Variants in COL4A1 observed in about 807,000 individuals in gnomAD.
The protein encoded by COL4A1 is collagen alpha-1(IV) chain.
A neutral mutation model predicts 216.6 loss-of-function variants in COL4A1; 40 were observed. The ratio of observed to expected loss-of-function variants is 0.18; its 90% CI spans 0.14 to 0.24. COL4A1 has a LOEUF of 0.24. Among genes scored for constraint, COL4A1 ranks in the 10% least tolerant of loss-of-function variants. The probability of loss-of-function intolerance (pLI) is 1.00; values close to 1 mark genes in which losing one functional copy is unlikely to be tolerated. For missense variants in COL4A1, 1,628 were observed against 2,196.8 expected (o/e 0.74, Z 5.18); for synonymous variants, 839 against 810.7 (o/e 1.03, Z -0.59).
At chr13:110,278,069 G>T (rs1038448446) in intron 1 of COL4A1, among the ~76,000 whole-genome samples, 1 of 152,070 alleles carries the variant, frequency 6.6e-6, no homozygotes, top group Admixed American at 6.6e-5. Flanking sequence ...AAGTACATAC[G>T]TTAACGTATT....
chr13:110,201,343 C>CGGAGGGGG, intron 19 of COL4A1, 95 bp downstream of exon 19: 1 of 685,376 alleles, frequency 1.5e-6, no homozygotes, highest in Non-Finnish European at 2.3e-6. Flanking sequence ...GGAGGAGGAA[C>CGGAGGGGG]AGGAGGAGGA....
chr13:110,173,154 G>A (rs558094470), intron 40 of COL4A1, among the ~76,000 whole-genome samples: 2 of 152,268 alleles, frequency 1.3e-5, no homozygotes, highest in South Asian at 4.2e-4. Context: ...CAGATGCTGG[G>A]GAGATGACAA....
intron 19 of COL4A1, 122 bp from the exon 20 acceptor site, chr13:110,201,011 T>G (rs546921664): frequency 9.1e-7 from 1 of 1,100,848 alleles, no homozygotes; most frequent in Admixed American, 1.9e-5. Context: ...AAAGGGAACG[T>G]AGAAAACAGA....
chr13:110,211,570 G>T lies in COL4A1; in HGVS notation c.468+77C>A. 1 of 1,415,100 alleles carries T rather than the reference G, an allele frequency of 7.1e-7. No individual in the cohort carries two copies. The highest frequency in any genetic ancestry group is 9.8e-7 in the Non-Finnish European group (1 of 1,020,672). The allele number at this position is 1,415,100 out of a possible 1,614,324, so 87.7% of individuals were successfully genotyped here. A position where few individuals can be genotyped will look rare whatever the true frequency, so the allele number is the denominator to read the frequency against. ...TCGATCAGCCAAAGTGGTTTAAAGA[G>T]AATGTGCTTCTATGGCACTTGTTGT... On this transcript the variant is annotated intron_variant, in intron 8 of 51. Coordinates refer to ENST00000375820, the MANE Select transcript of COL4A1 (RefSeq NM_001845.6). This position sits in a 1 kb window ranked among gnomAD's most constrained non-coding sequence, Gnocchi z 4.3.
chr13:110,264,109 C>G (rs986776741), intron 1 of COL4A1, among the ~76,000 whole-genome samples: 1 of 152,176 alleles, frequency 6.6e-6, no homozygotes, highest in Non-Finnish European at 1.5e-5. Flanking sequence ...ACTGCGTCCC[C>G]AACCCCTCCC....
chr13:110,183,989 T>C (rs1205466015), intron 26 of COL4A1, among the ~76,000 whole-genome samples: 1 of 152,168 alleles, frequency 6.6e-6, no homozygotes, highest in Non-Finnish European at 1.5e-5. Context: ...GGGGCCTCCC[T>C]AGAACAGCCA....
At chr13:110,183,351 G>A in intron 26 of COL4A1, 75 bp from the exon 27 acceptor site, 1 of 1,417,992 alleles carries the variant, frequency 7.1e-7, no homozygotes. Flanking sequence ...ACACGCAGTG[G>A]GTGGGCTGCA....
At chr13:110,223,590 A>G (rs530996569) in intron 2 of COL4A1, among the ~76,000 whole-genome samples, 4 of 152,360 alleles carry the variant, frequency 2.6e-5, no homozygotes, top group Admixed American at 2.6e-4. Flanking sequence ...GTGTTCTGCT[A>G]CAGGCTTGGA....
Position 110,253,180 on chromosome 13 carries a change from C to CGTATTATATATACATATAACTATATGTAT in COL4A1, c.85-10447_85-10446insATACATATAGTTATATGTATATATAATAC, listed in dbSNP as rs1566417498. On this transcript the variant is annotated intron_variant, in intron 1 of 51. Coordinates refer to ENST00000375820, the MANE Select transcript of COL4A1 (RefSeq NM_001845.6). ...TTATATATACATATAACTATATGTACGTATGTATTATATATACATATAACT... is the reference window on the plus strand; with the variant it reads ...TTATATATACATATAACTATATGTACGTATTATATATACATATAACTATATGTATGTATGTATTATATATACATATAACT... Among the ~76,000 whole-genome samples, 170 of 91,158 alleles carry CGTATTATATATACATATAACTATATGTAT rather than the reference C, an allele frequency of 1.9e-3. 26 individuals carry two copies. The highest frequency in any genetic ancestry group is 7.7e-3 in the African/African-American group (163 of 21,182). The allele number at this position is 91,158 out of a possible 152,430, so 59.8% of individuals were successfully genotyped here.
intron 2 of COL4A1, among the ~76,000 whole-genome samples, chr13:110,242,390 T>C (rs1217390405): frequency 1.3e-5 from 2 of 152,210 alleles, no homozygotes; most frequent in Non-Finnish European, 2.9e-5. Context: ...GTACGATAGA[T>C]TCAACAGATT....
intron 18 of COL4A1, 77 bp downstream of exon 18, chr13:110,203,489 A>AG: frequency 6.5e-7 from 1 of 1,527,174 alleles, no homozygotes; most frequent in Non-Finnish European, 9.1e-7. Flanking sequence ...TCCTCCCCCC[A>AG]GTGCTCTCAC....
chr13:110,258,217 G>A (rs936036035), intron 1 of COL4A1, among the ~76,000 whole-genome samples: 7 of 152,344 alleles, frequency 4.6e-5, no homozygotes, highest in African/African-American at 7.2e-5. Context: ...GTCACGTGGA[G>A]CCAAAGTGAA....
At chr13:110,252,603 TG>T (rs1208081901) in intron 1 of COL4A1, among the ~76,000 whole-genome samples, 1 of 67,586 alleles carries the variant, frequency 1.5e-5, no homozygotes, top group Admixed American at 1.8e-4. Context: ...TACGTATATA[TG>T]TATTATATAT....
At chr13:110,215,962 C>T (rs1265991731) in intron 2 of COL4A1, among the ~76,000 whole-genome samples, 2 of 152,150 alleles carry the variant, frequency 1.3e-5, no homozygotes. Context: ...AGCTGTGTTT[C>T]GTTGAAAGGA....
chr13:110,162,928 G>A (rs907815015), intron 47 of COL4A1, among the ~76,000 whole-genome samples: 3 of 152,224 alleles, frequency 2.0e-5, no homozygotes, highest in African/African-American at 7.2e-5. Context: ...AAGGGACCTC[G>A]CAGGCAAGGC....
intron 15 of COL4A1, 28 bp from the exon 16 acceptor site, chr13:110,205,566 A>G: frequency 6.2e-7 from 1 of 1,612,198 alleles, no homozygotes; most frequent in Non-Finnish European, 8.5e-7. Context: ...AAACGTTAGT[A>G]TTTAATAAAT....
At position 110,195,185 on chromosome 13, in the gene COL4A1, C is replaced by T. The variant is rs566734421; in HGVS notation, c.1286-67G>A. 4.5e-5 allele frequency: 63 copies of T among 1,387,216 alleles called. No individual in the cohort carries two copies. The African/African-American group carries it at 8.2e-4, about 18-fold the overall frequency. The allele number at this position is 1,387,216 out of a possible 1,614,324, so 85.9% of individuals were successfully genotyped here. A position where few individuals can be genotyped will look rare whatever the true frequency, so the allele number is the denominator to read the frequency against. On this transcript the variant is annotated intron_variant, in intron 21 of 51. Transcript: ENST00000375820. Reference sequence around the variant, plus strand: ...TTTTTACCCTCTCCTAACTCAACCTCTATTATAAAACCAAAATATTTTAGG... The same window carrying T: ...TTTTTACCCTCTCCTAACTCAACCTTTATTATAAAACCAAAATATTTTAGG...
intron 1 of COL4A1, among the ~76,000 whole-genome samples, chr13:110,253,858 GTA>G (rs1882390196): frequency 2.0e-5 from 3 of 148,516 alleles, no homozygotes; most frequent in South Asian, 4.2e-4. Context: ...ACGTATATAT[GTA>G]TGTGTGTGTG....
chr13:110,266,562 T>TCGC (rs1412006664), intron 1 of COL4A1, among the ~76,000 whole-genome samples: 7 of 152,120 alleles, frequency 4.6e-5, no homozygotes, highest in South Asian at 2.1e-4. Flanking sequence ...TCAGTATACG[T>TCGC]CGCGGAGACC....
Sources: allele counts gnomAD v4.1 joint callset (sites outside exome capture counted in the v4.1 genomes callset), GRCh38; gene constraint gnomAD v4.1.1; non-coding constraint Gnocchi (gnomAD v3.1); transcripts MANE v1.5; gene names NCBI Gene and HGNC (gene_info 2026-07-23, HGNC 2026-07-21).